Variants in DPP6 observed in about 807,000 individuals in gnomAD.
DPP6 encodes the protein dipeptidyl peptidase like 6.
Under a neutral mutation model 122.6 loss-of-function variants are expected in DPP6, and 69 were observed. The observed-to-expected ratio is 0.56, with a 90% CI of 0.46 to 0.69. The LOEUF is 0.69. Among genes scored for constraint, DPP6 ranks in the 30% least tolerant of loss-of-function variants. DPP6 has a pLI of 0.00. For synonymous variants in DPP6, 418 were observed against 433.1 expected (o/e 0.97, Z 0.43); for missense variants, 928 against 1,116.9 (o/e 0.83, Z 2.41).
chr7:154,505,054 T>C lies in DPP6; in HGVS notation c.457+30017T>C, dbSNP rs1825566046. Reference sequence around the variant, plus strand: ...GAGACTGTCTCTTGACTACCTGGAATGTATGATTTACACTTGTGTTCTGGA... The same window carrying C: ...GAGACTGTCTCTTGACTACCTGGAACGTATGATTTACACTTGTGTTCTGGA... On this transcript the variant is annotated intron_variant, in intron 3 of 25. Transcript: ENST00000377770. Among the ~76,000 whole-genome samples, 5 of 152,166 alleles carry C rather than the reference T, an allele frequency of 3.3e-5. No individual in the cohort carries two copies. The South Asian group carries it at 1.0e-3, about 31-fold the overall frequency.
At chr7:154,239,015 CTGTT>C (rs71770016) in intron 1 of DPP6, among the ~76,000 whole-genome samples, 5,946 of 152,272 alleles carry the variant, frequency 0.039, 169 homozygotes, top group African/African-American at 0.082. Context: ...ATAAGCTACA[CTGTT>C]TGTGCTTCTG....
chr7:154,356,039 G>A (rs1288014738), intron 1 of DPP6, among the ~76,000 whole-genome samples: 1 of 151,976 alleles, frequency 6.6e-6, no homozygotes, highest in Non-Finnish European at 1.5e-5. Context: ...TCTATGTAAG[G>A]TCTTGCTTAT....
At chr7:154,503,177 A>G (rs555479224) in intron 3 of DPP6, among the ~76,000 whole-genome samples, 1 of 151,820 alleles carries the variant, frequency 6.6e-6, no homozygotes, top group Non-Finnish European at 1.5e-5. Flanking sequence ...CACTATTAAA[A>G]CCCCTTGGCC....
chr7:154,833,428 T>C lies in DPP6; in HGVS notation c.1667-20352T>C, dbSNP rs571937016. Among the ~76,000 whole-genome samples, 1 of 152,310 alleles carries C rather than the reference T, an allele frequency of 6.6e-6. No homozygotes were observed. Among genetic ancestry groups the C allele is most frequent in the East Asian group, 1.9e-4 (1 of 5,190 alleles). ...TCATCGAGAAGGAGCAAGAAGTGAC[T>C]TCTGTGTGCCTTGGCTGCCTCATCT... On this transcript the variant is annotated intron_variant, in intron 16 of 25. Coordinates refer to ENST00000377770, the MANE Select transcript of DPP6 (RefSeq NM_130797.4). This position sits in a 1 kb window ranked among gnomAD's most constrained non-coding sequence, Gnocchi z 4.3.
intron 10 of DPP6, among the ~76,000 whole-genome samples, chr7:154,778,886 A>G (rs1423218199): frequency 9.7e-6 from 1 of 103,114 alleles, no homozygotes; most frequent in Admixed American, 9.5e-5. Context: ...CCAACACTAC[A>G]ACCTTCACCA....
chr7:153,786,740 G>GAA, the DPP6 span, among the ~76,000 whole-genome samples: 32 of 31,778 alleles, frequency 1.0e-3, 1 homozygote, highest in Admixed American at 6.9e-3. Flanking sequence ...CTCCGTCTCA[G>GAA]AAAAAAAAAA....
At chr7:154,193,136 A>AT (rs771331530) in intron 1 of DPP6, among the ~76,000 whole-genome samples, 1 of 152,214 alleles carries the variant, frequency 6.6e-6, no homozygotes, top group Non-Finnish European at 1.5e-5. Context: ...GTTCATGGCT[A>AT]TTTACATGCA....
intron 1 of DPP6, among the ~76,000 whole-genome samples, chr7:153,958,849 C>T (rs1464062411): frequency 1.3e-5 from 2 of 151,796 alleles, no homozygotes; most frequent in African/African-American, 4.8e-5. Flanking sequence ...CAGCTCAGCA[C>T]CTGCGAACAC....
chr7:153,880,866 T>C, the DPP6 span, among the ~76,000 whole-genome samples: 1 of 152,220 alleles, frequency 6.6e-6, no homozygotes, highest in Non-Finnish European at 1.5e-5. Flanking sequence ...AAGTGCGAGA[T>C]AGAGATGAAC....
At chr7:154,328,359 A>G (rs963773300) in intron 1 of DPP6, among the ~76,000 whole-genome samples, 4 of 152,212 alleles carry the variant, frequency 2.6e-5, no homozygotes, top group Non-Finnish European at 1.5e-5. Context: ...ATCCCGAAGC[A>G]GGGAAGTAAC....
In DPP6 at chr7:154,357,291, T is replaced by G. The variant is rs918396225; in HGVS notation, c.244-88923T>G. ...AATGTGGGGCTTTTTTTTTTTTTTTTGCAATTGAAAATAAGATTCATTTAA... is the reference window on the plus strand; with the variant it reads ...AATGTGGGGCTTTTTTTTTTTTTTTGGCAATTGAAAATAAGATTCATTTAA... On this transcript the variant is annotated intron_variant, in intron 1 of 25. Transcript: ENST00000377770. Among the ~76,000 whole-genome samples, 35 of 145,274 alleles carry G rather than the reference T, an allele frequency of 2.4e-4. 1 individual carries two copies. The highest frequency in any genetic ancestry group is 8.9e-4 in the African/African-American group (33 of 37,274).
chr7:154,499,015 C>A (rs560169732), intron 3 of DPP6, among the ~76,000 whole-genome samples: 1 of 152,282 alleles, frequency 6.6e-6, no homozygotes, highest in East Asian at 1.9e-4. Context: ...TCTACAGAAG[C>A]CTTGTGGTAG....
intron 7 of DPP6, among the ~76,000 whole-genome samples, chr7:154,703,632 AAAAG>A (rs1840649839): frequency 6.6e-6 from 1 of 151,480 alleles, no homozygotes; most frequent in African/African-American, 2.4e-5. Flanking sequence ...AAAAAAAAAA[AAAAG>A]AAAAGAAATA....
intron 8 of DPP6, among the ~76,000 whole-genome samples, chr7:154,768,175 C>T (rs556513094): frequency 1.3e-5 from 2 of 152,344 alleles, no homozygotes; most frequent in East Asian, 3.9e-4. Flanking sequence ...GCGCTAAGCC[C>T]CCCTTCATGA....
intron 1 of DPP6, among the ~76,000 whole-genome samples, chr7:153,929,177 A>G (rs1299299766): frequency 6.6e-6 from 1 of 152,068 alleles, no homozygotes; most frequent in Non-Finnish European, 1.5e-5. Context: ...AAGCAGGGAC[A>G]CCCTTCAGGA....
intron 1 of DPP6, chr7:154,305,368 A>G (rs1806238858): frequency 1.8e-6 from 2 of 1,117,406 alleles, no homozygotes; most frequent in Admixed American, 9.2e-5. Flanking sequence ...TCCCCAAAAT[A>G]GCCTTGTGAT....
chr7:154,655,092 A>T (rs1026733707), intron 6 of DPP6, among the ~76,000 whole-genome samples: 5 of 152,268 alleles, frequency 3.3e-5, no homozygotes, highest in Admixed American at 2.0e-4. Context: ...ATTACCTTCC[A>T]TGCTAAGTAC....
chr7:154,271,938 T>C (rs2150934861), intron 1 of DPP6, among the ~76,000 whole-genome samples: 1 of 152,328 alleles, frequency 6.6e-6, no homozygotes, highest in East Asian at 1.9e-4. Context: ...ATGAATGAGA[T>C]GCTTTGATGA....
the DPP6 span, among the ~76,000 whole-genome samples, chr7:153,837,940 C>T: frequency 6.7e-6 from 1 of 148,966 alleles, no homozygotes; most frequent in Non-Finnish European, 1.5e-5. Context: ...TCCCAAAGTG[C>T]CGGGATTACA....
Sources: gnomAD v4.1 joint callset for allele counts (sites outside exome capture counted in the v4.1 genomes callset) on GRCh38, gnomAD v4.1.1 for gene constraint, Gnocchi (gnomAD v3.1) non-coding constraint, MANE v1.5 for transcripts, NCBI Gene and HGNC (gene_info 2026-07-23, HGNC 2026-07-21) for gene names.